CDKN2AIP: variants seen among roughly 807,000 people sequenced by gnomAD.
The protein encoded by CDKN2AIP is CDKN2A interacting protein.
Under a neutral mutation model 44.1 loss-of-function variants are expected in CDKN2AIP, and 12 were observed. The ratio of observed to expected loss-of-function variants is 0.27; its 90% CI spans 0.17 to 0.44. CDKN2AIP has a LOEUF of 0.44. Among genes scored for constraint, CDKN2AIP ranks in the 20% least tolerant of loss-of-function variants. CDKN2AIP has a pLI of 1.00. For synonymous variants in CDKN2AIP, 291 were observed against 272.1 expected (o/e 1.07, Z -0.68); for missense variants, 705 against 681.6 (o/e 1.03, Z -0.38).
chr4:183,445,156 T>G, intron 1 of CDKN2AIP, 87 bp downstream of exon 1: 1 of 1,469,446 alleles, frequency 6.8e-7, no homozygotes, highest in Non-Finnish European at 9.1e-7. Flanking sequence ...GGGACCGGCC[T>G]CGGCGGGGAG....
At chr4:183,445,262 G>T (rs1414947332) in intron 1 of CDKN2AIP, 193 bp downstream of exon 1, 1 of 693,980 alleles carries the variant, frequency 1.4e-6, no homozygotes, top group Non-Finnish European at 2.4e-6. Context: ...CCGGACGTCT[G>T]TGTGCCCGGT....
rs1465330292 is a variant in CDKN2AIP, at chr4:183,449,045, A to C, written c.*1618A>C. Among the ~76,000 whole-genome samples, 3 of 152,264 alleles carry C rather than the reference A, an allele frequency of 2.0e-5. No individual in the cohort carries two copies. The highest frequency in any genetic ancestry group is 4.8e-5 in the African/African-American group (2 of 41,574). On this transcript the variant is annotated 3_prime_UTR_variant, in exon 3 of 3. Transcript: ENST00000504169. The stretch of plus-strand genomic sequence containing the variant: ...AGCAAAAAATTACAACGAACAAATA[A>C]ATTTATATAATATATCCAATTAGGT...
Position 183,447,364 on chromosome 4 carries a change from T to C in CDKN2AIP, c.1680T>C (p.Leu560=), listed in dbSNP as rs149287608. 78 of 1,580,586 alleles carry C rather than the reference T, an allele frequency of 4.9e-5. No homozygotes were observed. Among genetic ancestry groups the C allele is most frequent in the South Asian group, 5.8e-5 (5 of 85,724 alleles). ...RGSEIEDLVL[L]DEESRPVNLP... is the part of the protein sequence containing the mutation. ...GTGAAATAGAAGATCTAGTACTCCT[T>C]GATGAAGAATCGAGGCCTGTAAACT... is the stretch of plus-strand genomic sequence containing the variant. The change falls in exon 3 of 3, where the codon CTT becomes CTC. Residue 560 remains leucine (L), a synonymous_variant. Transcript: ENST00000504169.
In CDKN2AIP at chr4:183,448,051, A is replaced by T. The variant is rs1416501949; in HGVS notation, c.*624A>T. The stretch of plus-strand genomic sequence containing the variant: ...CCGCTGAAGATTCTTTAAGCGGGTT[A>T]ATTTATGTTTTGAGGTGGAATACAA... On this transcript the variant is annotated 3_prime_UTR_variant, in exon 3 of 3. Coordinates refer to ENST00000504169, the MANE Select transcript of CDKN2AIP (RefSeq NM_017632.4). 1.3e-5 allele frequency: 2 copies of T among 152,214 alleles called. No homozygotes were observed. Among genetic ancestry groups the T allele is most frequent in the Non-Finnish European group, 2.9e-5 (2 of 68,020 alleles). The allele number at this position is 152,214 out of a possible 1,614,324, so 9.4% of individuals were successfully genotyped here.
Position 183,446,701 on chromosome 4 carries a change from A to G in CDKN2AIP, c.1017A>G (p.Ser339=), listed in dbSNP as rs957816405. The change falls in exon 3 of 3, where the codon TCA becomes TCG. Residue 339 remains serine (S), a synonymous_variant. Coordinates refer to ENST00000504169, the MANE Select transcript of CDKN2AIP (RefSeq NM_017632.4). ...CATCAGTTGCTAAAAACAGTTCCTC[A>G]TCAGGCACATCCTTACTGACTCCCA... ...VSSSVAKNSS[S]SGTSLLTPKS... 15 of 1,614,118 alleles carry G rather than the reference A, an allele frequency of 9.3e-6. No individual in the cohort carries two copies. The highest frequency in any genetic ancestry group is 1.3e-5 in the Non-Finnish European group (15 of 1,180,044).
Position 183,446,916 on chromosome 4 carries a change from C to T in CDKN2AIP, c.1232C>T (p.Ser411Phe). 1 of 1,614,170 alleles carries T rather than the reference C, an allele frequency of 6.2e-7. No individual in the cohort carries two copies. The highest frequency in any genetic ancestry group is 1.7e-5 in the Admixed American group (1 of 60,020). The stretch of plus-strand genomic sequence containing the variant: ...CAGACTAGCACCTCACAGTTGCCTT[C>T]TAAAAGTACTTCACAGTCAAGTGAG... ...SSQTSTSQLP[S>F]KSTSQSSESS... is the part of the protein sequence containing the mutation. Residue 411 changes from serine (S) to phenylalanine (F), a missense_variant, in exon 3 of 3, where the codon TCT becomes TTT. Physicochemically the swap from Ser to Phe is radical, Grantham distance 155 (BLOSUM62 -2). This residue lies in a region of CDKN2AIP where 592 missense variants were observed against 518.0 expected (regional missense o/e 1.14). Transcript: ENST00000504169.
At position 183,445,078 on chromosome 4, in the gene CDKN2AIP, G is replaced by A. The variant is rs1412880496; in HGVS notation, c.272+9G>A. 1 of 1,575,640 alleles carries A rather than the reference G, an allele frequency of 6.3e-7. No homozygotes were observed. The highest frequency in any genetic ancestry group is 1.3e-5 in the African/African-American group (1 of 74,108). ...GTCTTCCTCGGGTGCCGGTGAGTGA[G>A]GCAGCGTCCCTAACCAGCACGCCTC... On this transcript the variant is annotated intron_variant, in intron 1 of 2. Transcript: ENST00000504169.
At position 183,444,656 on chromosome 4, in the gene CDKN2AIP, T is replaced by C. The variant is rs1386137734; in HGVS notation, c.-142T>C. 18 of 746,580 alleles carry C rather than the reference T, an allele frequency of 2.4e-5. No homozygotes were observed. The East Asian group carries it at 4.3e-4, about 18-fold the overall frequency. 46.2% of individuals were successfully genotyped at this position (746,580 alleles called of 1,614,324 possible). ...GCGGAAGTGGGCGGTTCGGCGGCTC[T>C]GGGCGCTGTTGTTTGGTCTTTAGGC... On this transcript the variant is annotated 5_prime_UTR_variant, in exon 1 of 3. Transcript: ENST00000504169.
At position 183,446,584 on chromosome 4, in the gene CDKN2AIP, G is replaced by C; in HGVS notation, c.900G>C (p.Glu300Asp). Residue 300 changes from glutamate to aspartate, a missense_variant, in exon 3 of 3, where the codon GAG becomes GAC. Glu to Asp is a conservative substitution (Grantham distance 45). Transcript: ENST00000504169. ...TGTTGGGCTCCTCAGGAAGCTCAGA[G>C]GTAGAATTGCCACTATTGTCTTCCA... The part of the protein sequence containing the change: ...VPLLGSSGSS[E>D]VELPLLSSKP... 1 of 1,614,136 alleles carries C rather than the reference G, an allele frequency of 6.2e-7. No homozygotes were observed. Among genetic ancestry groups the C allele is most frequent in the Non-Finnish European group, 8.5e-7 (1 of 1,179,994 alleles).
chr4:183,446,274 C>T lies in CDKN2AIP; in HGVS notation c.590C>T (p.Ser197Phe), dbSNP rs774264646. 8.7e-6 allele frequency: 14 copies of T among 1,614,052 alleles called. No individual in the cohort carries two copies. The South Asian group carries it at 1.4e-4, about 16-fold the overall frequency. ...AACTCAGCTCGGAGCTCTGGCATCT[C>T]CAGTCAGAATAGCTCTACAAGTGAT... is the stretch of plus-strand genomic sequence containing the variant. ...SGNSARSSGI[S>F]SQNSSTSDGD... Residue 197 changes from serine (S) to phenylalanine (F), a missense_variant, in exon 3 of 3, where the codon TCC becomes TTC. Physicochemically the swap from Ser to Phe is radical, Grantham distance 155. Coordinates refer to ENST00000504169, the MANE Select transcript of CDKN2AIP (RefSeq NM_017632.4).
chr4:183,445,756 C>A, intron 2 of CDKN2AIP, 91 bp downstream of exon 2: 1 of 1,070,062 alleles, frequency 9.3e-7, no homozygotes, highest in Non-Finnish European at 1.4e-6. Flanking sequence ...TTTTAACAAG[C>A]CAGAATTTTT....
Position 183,448,910 on chromosome 4 carries a change from T to C in CDKN2AIP, c.*1483T>C, listed in dbSNP as rs73870544. Among the ~76,000 whole-genome samples the C allele has an allele frequency of 0.017, 2,534 of 152,284 alleles. 70 individuals are homozygous for C. Among genetic ancestry groups the C allele is most frequent in the African/African-American group, 0.058 (2,406 of 41,562 alleles). The stretch of plus-strand genomic sequence containing the variant: ...ATCCATATACTGTAAGTGGGTTGCC[T>C]TTATAGATTGCGGGACACAATAACA... On this transcript the variant is annotated 3_prime_UTR_variant, in exon 3 of 3. Transcript: ENST00000504169.
In CDKN2AIP at chr4:183,448,891, A is replaced by G. The variant is rs1733738263; in HGVS notation, c.*1464A>G. On this transcript the variant is annotated 3_prime_UTR_variant, in exon 3 of 3. Transcript: ENST00000504169. ...ATTGGATACCAAAGCTAAAATCCAT[A>G]TACTGTAAGTGGGTTGCCTTTATAG... 6.6e-6 allele frequency among the ~76,000 whole-genome samples: 1 copy of G among 152,210 alleles called. No homozygotes were observed. Among genetic ancestry groups the G allele is most frequent in the Non-Finnish European group, 1.5e-5 (1 of 68,008 alleles).
At position 183,444,908 on chromosome 4, in the gene CDKN2AIP, T is replaced by A. The variant is rs769685708; in HGVS notation, c.111T>A (p.Asp37Glu). Residue 37 changes from aspartate (D) to glutamate (E), a missense_variant, in exon 1 of 3, where the codon GAT (aspartate) becomes GAA (glutamate). Around this residue, in one of 2 missense-constraint regions of CDKN2AIP, gnomAD observed 592 missense variants for 518.0 expected, o/e 1.14. Coordinates refer to ENST00000504169, the MANE Select transcript of CDKN2AIP (RefSeq NM_017632.4). ...ETDKHWRHRR[D>E]FLLRNAGDLA... Reference sequence around the variant, plus strand: ...ACAAACACTGGCGCCACCGCCGGGATTTTTTGCTTCGCAACGCCGGGGACC... The same window carrying A: ...ACAAACACTGGCGCCACCGCCGGGAATTTTTGCTTCGCAACGCCGGGGACC... The A allele has an allele frequency of 1.9e-6, 3 of 1,609,782 alleles. No individual in the cohort carries two copies. The highest frequency in any genetic ancestry group is 2.7e-5 in the African/African-American group (2 of 74,848).
At position 183,449,001 on chromosome 4, in the gene CDKN2AIP, G is replaced by A. The variant is rs1053620793; in HGVS notation, c.*1574G>A. On this transcript the variant is annotated 3_prime_UTR_variant, in exon 3 of 3. Transcript: ENST00000504169. Reference sequence around the variant, plus strand: ...TCAGTCTTGGAATGTGTATTTTGTGGGATAATGATTATCAGAAAAGCAAAA... The same window carrying A: ...TCAGTCTTGGAATGTGTATTTTGTGAGATAATGATTATCAGAAAAGCAAAA... Among the ~76,000 whole-genome samples the A allele has an allele frequency of 6.6e-6, 1 of 151,856 alleles. No homozygotes were observed. Among genetic ancestry groups the A allele is most frequent in the Non-Finnish European group, 1.5e-5 (1 of 67,958 alleles).
rs1251479485 is a variant in CDKN2AIP, at chr4:183,448,463, T to C, written c.*1036T>C. 6.6e-6 allele frequency among the ~76,000 whole-genome samples: 1 copy of C among 152,332 alleles called. No homozygotes were observed. The highest frequency in any genetic ancestry group is 1.5e-5 in the Non-Finnish European group (1 of 68,008). ...GTTCAGCTCTTGATAATGAGCCTATTCAATTTAACTACATTCGTTAAAATG... is the reference window on the plus strand; with the variant it reads ...GTTCAGCTCTTGATAATGAGCCTATCCAATTTAACTACATTCGTTAAAATG... On this transcript the variant is annotated 3_prime_UTR_variant, in exon 3 of 3. Transcript: ENST00000504169.
At chr4:183,445,771 TATTAATA>T in intron 2 of CDKN2AIP, 106 bp downstream of exon 2, 2 of 863,266 alleles carry the variant, frequency 2.3e-6, no homozygotes, top group Non-Finnish European at 3.7e-6. Context: ...ATTTTTATGT[TATTAATA>T]AGTAATAAAG....
chr4:183,444,640 G>C lies in CDKN2AIP; in HGVS notation c.-158G>C, dbSNP rs1315849169. Reference sequence around the variant, plus strand: ...AAGAAGCCGGCGGTGGGCGGAAGTGGGCGGTTCGGCGGCTCTGGGCGCTGT... The same window carrying C: ...AAGAAGCCGGCGGTGGGCGGAAGTGCGCGGTTCGGCGGCTCTGGGCGCTGT... On this transcript the variant is annotated 5_prime_UTR_variant, in exon 1 of 3. Transcript: ENST00000504169. 1 of 577,980 alleles carries C rather than the reference G, an allele frequency of 1.7e-6. No individual in the cohort carries two copies. Among genetic ancestry groups the C allele is most frequent in the Non-Finnish European group, 2.7e-6 (1 of 364,406 alleles). The allele number at this position is 577,980 out of a possible 1,614,324, so 35.8% of individuals were successfully genotyped here.
rs536693033 is a variant in CDKN2AIP, at chr4:183,449,019, A to G, written c.*1592A>G. 2.6e-5 allele frequency among the ~76,000 whole-genome samples: 4 copies of G among 152,280 alleles called. No homozygotes were observed. In the South Asian group the frequency reaches 8.3e-4, roughly 32 times the overall value. On this transcript the variant is annotated 3_prime_UTR_variant, in exon 3 of 3. Transcript: ENST00000504169. ...TTTTGTGGGATAATGATTATCAGAAAAGCAAAAAATTACAACGAACAAATA... is the reference window on the plus strand; with the variant it reads ...TTTTGTGGGATAATGATTATCAGAAGAGCAAAAAATTACAACGAACAAATA...
Sources: allele counts gnomAD v4.1 joint callset (sites outside exome capture counted in the v4.1 genomes callset), GRCh38; gene constraint gnomAD v4.1.1; regional missense constraint gnomAD v4.1.1; transcripts MANE v1.5; gene names NCBI Gene and HGNC (gene_info 2026-07-23, HGNC 2026-07-21).